The following TBXAS1 variants were observed in gnomAD, a reference collection of about 807,000 sequenced individuals.
The protein encoded by TBXAS1 is thromboxane A synthase 1.
TBXAS1 carries 48 observed loss-of-function variants against 60.7 expected under a neutral mutation model. The observed-to-expected ratio is 0.79, with a 90% CI of 0.63 to 1.01. The LOEUF (loss-of-function observed/expected upper bound fraction) is 1.01. Among genes scored for constraint, TBXAS1 ranks in the 50% least tolerant of loss-of-function variants. TBXAS1 has a pLI of 0.00. For missense variants in TBXAS1, 685 were observed against 686.3 expected, an observed-to-expected ratio of 1.00 and a Z score of 0.02; for synonymous variants, 287 against 269.7, an observed-to-expected ratio of 1.06 and a Z score of -0.63.
intron 3 of TBXAS1, among the ~76,000 whole-genome samples, chr7:139,889,088 A>G (rs1203419566): frequency 1.3e-5 from 2 of 152,016 alleles, no homozygotes; most frequent in Admixed American, 6.6e-5. Context: ...ATTCTAGCAC[A>G]TTGGGAGGCC....
intron 5 of TBXAS1, among the ~76,000 whole-genome samples, chr7:139,949,425 G>C (rs1209405376): frequency 6.6e-6 from 1 of 152,204 alleles, no homozygotes; most frequent in African/African-American, 2.4e-5. Context: ...CTAGGATTCA[G>C]TTGTACCACT....
intron 3 of TBXAS1, among the ~76,000 whole-genome samples, chr7:139,893,011 C>T (rs1803765011): frequency 6.6e-6 from 1 of 152,170 alleles, no homozygotes; most frequent in African/African-American, 2.4e-5. Flanking sequence ...CCCTCCATCT[C>T]TAAAGTATTA....
intron 9 of TBXAS1, among the ~76,000 whole-genome samples, chr7:139,976,738 C>T (rs1303900807): frequency 6.6e-6 from 1 of 152,136 alleles, no homozygotes; most frequent in Non-Finnish European, 1.5e-5. Flanking sequence ...TTCTTAGAAG[C>T]CCCAGCGGAT....
intron 4 of TBXAS1, among the ~76,000 whole-genome samples, chr7:139,808,646 G>C (rs183156482): frequency 1.8e-4 from 27 of 152,170 alleles, no homozygotes; most frequent in Middle Eastern, 3.4e-3. Context: ...ACCGACATCT[G>C]GTCAATACTT....
chr7:139,779,751 T>C (rs1017825319), intron 1 of TBXAS1, among the ~76,000 whole-genome samples: 3 of 152,300 alleles, frequency 2.0e-5, no homozygotes, highest in South Asian at 2.1e-4. Flanking sequence ...CCTCTGCAGG[T>C]GGGGCTGAGT....
chr7:139,977,433 T>C (rs1323598738), intron 9 of TBXAS1, among the ~76,000 whole-genome samples: 1 of 152,088 alleles, frequency 6.6e-6, no homozygotes, highest in Non-Finnish European at 1.5e-5. Context: ...ATGATTCAAT[T>C]ACCGCCCACC....
intron 4 of TBXAS1, among the ~76,000 whole-genome samples, chr7:139,796,605 A>G (rs1797578840): frequency 6.6e-6 from 1 of 152,240 alleles, no homozygotes; most frequent in South Asian, 2.1e-4. Flanking sequence ...AATGTACAAC[A>G]CAAAGAGTGA....
chr7:139,801,050 G>A (rs752180377), intron 4 of TBXAS1, among the ~76,000 whole-genome samples: 8 of 152,138 alleles, frequency 5.3e-5, no homozygotes, highest in South Asian at 2.1e-4. Context: ...AAATAATGCC[G>A]CTGGCATTTT....
Position 139,916,457 on chromosome 7 carries a change from C to T in TBXAS1, c.333+5136C>T, listed in dbSNP as rs979369141. 2.6e-5 allele frequency among the ~76,000 whole-genome samples: 4 copies of T among 152,094 alleles called. No individual in the cohort carries two copies. In the South Asian group the frequency reaches 8.3e-4, roughly 32 times the overall value. ...AGAGGTCACCTCTCCAGGCACAGGT[C>T]GAGCCACACCACTGACACACAAGAG... On this transcript the variant is annotated intron_variant, in intron 4 of 12. Coordinates refer to ENST00000448866, the MANE Select transcript of TBXAS1 (RefSeq NM_001061.7). The surrounding 1 kb of genome is among the most constrained non-coding windows in gnomAD (Gnocchi z 4.2).
At chr7:139,996,550 CT>C (rs562961024) in intron 9 of TBXAS1, among the ~76,000 whole-genome samples, 2 of 152,356 alleles carry the variant, frequency 1.3e-5, no homozygotes, top group Admixed American at 1.3e-4. Context: ...TCTCCTTCCC[CT>C]GGAAGATGCT....
chr7:139,860,039 T>C (rs1800854788), intron 1 of TBXAS1, among the ~76,000 whole-genome samples: 1 of 152,198 alleles, frequency 6.6e-6, no homozygotes, highest in African/African-American at 2.4e-5. Flanking sequence ...TCCGGGAGGC[T>C]GAGGCATGAG....
At chr7:139,858,632 C>T (rs960446137) in intron 1 of TBXAS1, among the ~76,000 whole-genome samples, 2 of 152,166 alleles carry the variant, frequency 1.3e-5, no homozygotes, top group Admixed American at 6.5e-5. Flanking sequence ...CGGAACTCAG[C>T]ACTCCCCCAG....
intron 11 of TBXAS1, 61 bp downstream of exon 11, chr7:140,015,921 C>A: frequency 6.2e-7 from 1 of 1,609,152 alleles, no homozygotes; most frequent in Non-Finnish European, 8.5e-7. Flanking sequence ...TAGAAATTTA[C>A]CAGTGGAGGC....
At chr7:139,865,528 T>G (rs1007523637) in intron 1 of TBXAS1, among the ~76,000 whole-genome samples, 1 of 150,472 alleles carries the variant, frequency 6.6e-6, no homozygotes, top group Non-Finnish European at 1.5e-5. Flanking sequence ...TGGAGCACAA[T>G]TCTGCCTGCC....
chr7:139,799,242 T>TTC (rs1428964114), intron 4 of TBXAS1, among the ~76,000 whole-genome samples: 7 of 151,318 alleles, frequency 4.6e-5, no homozygotes, highest in Middle Eastern at 3.2e-3. Flanking sequence ...CTAATTTTTT[T>TTC]TTTTTTTGAG....
chr7:139,986,842 T>C (rs1812530953), intron 9 of TBXAS1, among the ~76,000 whole-genome samples: 2 of 147,850 alleles, frequency 1.4e-5, no homozygotes, highest in African/African-American at 5.0e-5. Flanking sequence ...TATCCACTAG[T>C]TGATGGGCAT....
chr7:139,839,879 G>A (rs953753061), intron 1 of TBXAS1, among the ~76,000 whole-genome samples: 2 of 150,836 alleles, frequency 1.3e-5, no homozygotes, highest in Non-Finnish European at 2.9e-5. Context: ...AGCTACTTGG[G>A]AGGCTGAGGC....
chr7:139,989,994 A>G (rs1585017384), intron 9 of TBXAS1, among the ~76,000 whole-genome samples: 1 of 152,076 alleles, frequency 6.6e-6, no homozygotes, highest in South Asian at 2.1e-4. Flanking sequence ...TATGCAAAAC[A>G]CCACAGGCCT....
At position 139,829,618 on chromosome 7, in the gene TBXAS1, G is replaced by A. The variant is rs1585568115; in HGVS notation, c.89+139G>A. 8 of 796,404 alleles carry A rather than the reference G, an allele frequency of 1.0e-5. No individual in the cohort carries two copies. The East Asian group carries it at 1.9e-4, about 19-fold the overall frequency. The allele number at this position is 796,404 out of a possible 1,614,324, so 49.3% of individuals were successfully genotyped here. A position where few individuals can be genotyped will look rare whatever the true frequency, so the allele number is the denominator to read the frequency against. Reference sequence around the variant, plus strand: ...GGGAGTGAGTATTAACACAGCTTCAGAATTAAAAGCAAACAGCCAGGTTAA... The same window carrying A: ...GGGAGTGAGTATTAACACAGCTTCAAAATTAAAAGCAAACAGCCAGGTTAA... On this transcript the variant is annotated intron_variant, in intron 1 of 12. Coordinates refer to ENST00000448866, the MANE Select transcript of TBXAS1 (RefSeq NM_001061.7).
Sources: allele counts gnomAD v4.1 joint callset (sites outside exome capture counted in the v4.1 genomes callset), GRCh38; gene constraint gnomAD v4.1.1; non-coding constraint Gnocchi (gnomAD v3.1); transcripts MANE v1.5; gene names NCBI Gene and HGNC (gene_info 2026-07-23, HGNC 2026-07-21).